The following XRCC4 variants were observed in gnomAD, a reference collection of about 807,000 sequenced individuals.
The protein encoded by XRCC4 is DNA repair protein XRCC4.
In XRCC4, 28 loss-of-function variants were observed where a neutral mutation model predicts 39.1. That is an observed-to-expected ratio of 0.72 (90% CI 0.53 to 0.98). The LOEUF (loss-of-function observed/expected upper bound fraction) is 0.98, where lower values mean the gene tolerates loss of function less well. Among genes scored for constraint, XRCC4 ranks in the 50% least tolerant of loss-of-function variants. The pLI, the probability that XRCC4 is intolerant of heterozygous loss-of-function variation, is 0.00. For missense variants in XRCC4, 350 were observed against 376.4 expected, an observed-to-expected ratio of 0.93 and a Z score of 0.58; for synonymous variants, 123 against 126.4, an observed-to-expected ratio of 0.97 and a Z score of 0.18.
At chr5:83,191,296 A>G (rs1051924121) in intron 3 of XRCC4, among the ~76,000 whole-genome samples, 6 of 152,216 alleles carry the variant, frequency 3.9e-5, no homozygotes, top group Non-Finnish European at 5.9e-5. Flanking sequence ...GGTAACTCCA[A>G]CAATTCCCGT....
chr5:83,160,510 GT>G (rs1749153299), intron 3 of XRCC4, among the ~76,000 whole-genome samples: 1 of 152,142 alleles, frequency 6.6e-6, no homozygotes, highest in Admixed American at 6.6e-5. Flanking sequence ...GGTGTCAAAT[GT>G]TTTATATTCC....
At chr5:83,184,241 T>C (rs1750334148) in intron 3 of XRCC4, among the ~76,000 whole-genome samples, 1 of 152,098 alleles carries the variant, frequency 6.6e-6, no homozygotes. Flanking sequence ...TTTTTATGAT[T>C]TTCAAAAGAT....
intron 7 of XRCC4, among the ~76,000 whole-genome samples, chr5:83,304,028 T>G (rs927116547): frequency 1.3e-5 from 2 of 152,058 alleles, no homozygotes; most frequent in African/African-American, 4.8e-5. Context: ...ACAAAAGTAA[T>G]TTAAAATATG....
chr5:83,368,077 GA>G, the XRCC4 span, among the ~76,000 whole-genome samples: 232 of 142,048 alleles, frequency 1.6e-3, 1 homozygote, highest in Middle Eastern at 3.6e-3. Flanking sequence ...ACCCCAATAA[GA>G]AAAAAAAAAA....
At chr5:83,349,300 G>A (rs1341706365) in intron 7 of XRCC4, among the ~76,000 whole-genome samples, 1 of 152,172 alleles carries the variant, frequency 6.6e-6, no homozygotes, top group Non-Finnish European at 1.5e-5. Flanking sequence ...AGAGATTCAG[G>A]TGGGGACACA....
chr5:83,366,684 G>A, the XRCC4 span, among the ~76,000 whole-genome samples: 1 of 152,066 alleles, frequency 6.6e-6, no homozygotes, highest in Non-Finnish European at 1.5e-5. Flanking sequence ...ACCCTGCCCT[G>A]TTTTCCCCTC....
chr5:83,117,315 G>C (rs1211444849), intron 3 of XRCC4, among the ~76,000 whole-genome samples: 1 of 152,106 alleles, frequency 6.6e-6, no homozygotes, highest in Non-Finnish European at 1.5e-5. Flanking sequence ...GAGATCATTT[G>C]TGTGCTTTGG....
intron 7 of XRCC4, among the ~76,000 whole-genome samples, chr5:83,272,320 TC>T (rs1389702434): frequency 6.6e-6 from 1 of 152,212 alleles, no homozygotes; most frequent in African/African-American, 2.4e-5. Context: ...CCTGTTTATA[TC>T]TCAGACATGG....
chr5:83,161,307 T>C (rs72767162), intron 3 of XRCC4, among the ~76,000 whole-genome samples: 3,682 of 152,130 alleles, frequency 0.024, 105 homozygotes, highest in South Asian at 0.13. Flanking sequence ...GATTTTCGTA[T>C]TTTTAGTAGA....
intron 7 of XRCC4, among the ~76,000 whole-genome samples, chr5:83,274,150 A>G (rs1040952524): frequency 6.6e-6 from 1 of 152,030 alleles, no homozygotes; most frequent in Non-Finnish European, 1.5e-5. Context: ...AAATGCCCCA[A>G]CTCTTGCTCA....
intron 7 of XRCC4, among the ~76,000 whole-genome samples, chr5:83,270,370 T>C (rs982372740): frequency 1.3e-5 from 2 of 152,196 alleles, no homozygotes; most frequent in African/African-American, 2.4e-5. Context: ...TTCTTTTCTC[T>C]CATGCCTAGC....
At chr5:83,199,374 C>T (rs1053418833) in intron 4 of XRCC4, among the ~76,000 whole-genome samples, 1 of 152,042 alleles carries the variant, frequency 6.6e-6, no homozygotes, top group South Asian at 2.1e-4. Flanking sequence ...CATCTTTTTC[C>T]GTACTTAAAG....
At chr5:83,249,707 C>T (rs1013486767) in intron 6 of XRCC4, among the ~76,000 whole-genome samples, 3 of 134,512 alleles carry the variant, frequency 2.2e-5, no homozygotes, top group African/African-American at 3.3e-5. Context: ...TCCTTATCCA[C>T]CAAATTCACC....
intron 3 of XRCC4, among the ~76,000 whole-genome samples, chr5:83,191,262 C>T (rs1750679213): frequency 1.3e-5 from 2 of 152,224 alleles, no homozygotes; most frequent in African/African-American, 4.8e-5. Context: ...TTGGCTGTGT[C>T]TCCATCCATA....
chr5:83,159,975 T>C (rs899579230), intron 3 of XRCC4, among the ~76,000 whole-genome samples: 3 of 152,162 alleles, frequency 2.0e-5, no homozygotes, highest in African/African-American at 7.2e-5. Flanking sequence ...TTTATGTTAG[T>C]GAATGTTGTC....
chr5:83,193,185 A>T (rs1385369234), intron 3 of XRCC4, among the ~76,000 whole-genome samples: 1 of 152,154 alleles, frequency 6.6e-6, no homozygotes, highest in Non-Finnish European at 1.5e-5. Context: ...TAATGTGCAC[A>T]GCCTAGAACA....
chr5:83,138,864 A>G (rs1312968313), intron 3 of XRCC4, among the ~76,000 whole-genome samples: 2 of 152,076 alleles, frequency 1.3e-5, no homozygotes, highest in Non-Finnish European at 2.9e-5. Flanking sequence ...GGCTTGTTAT[A>G]GTTCTTGGTC....
chr5:83,203,194 CA>C (rs1751281321), intron 4 of XRCC4, among the ~76,000 whole-genome samples: 3 of 152,032 alleles, frequency 2.0e-5, no homozygotes, highest in African/African-American at 7.2e-5. Flanking sequence ...GTAATATTAA[CA>C]TAGTACTGAG....
At chr5:83,107,382 G>GT (rs74357038) in intron 2 of XRCC4, among the ~76,000 whole-genome samples, 9,738 of 150,348 alleles carry the variant, frequency 0.065, 1,015 homozygotes, top group East Asian at 0.48. Flanking sequence ...ACCTCATCCT[G>GT]TTTTTTTTTG....
Sources: allele counts gnomAD v4.1 joint callset (sites outside exome capture counted in the v4.1 genomes callset), GRCh38; gene constraint gnomAD v4.1.1; transcripts MANE v1.5; gene names NCBI Gene and HGNC (gene_info 2026-07-23, HGNC 2026-07-21).